ADCY9: variants seen among roughly 807,000 people sequenced by gnomAD.
ADCY9 encodes the protein adenylate cyclase 9.
In ADCY9, 50 loss-of-function variants were observed where a neutral mutation model predicts 101.5. The ratio of observed to expected loss-of-function variants is 0.49; its 90% CI spans 0.39 to 0.62. The LOEUF (loss-of-function observed/expected upper bound fraction) is 0.62. Ranked by LOEUF, ADCY9 falls within the 20% of genes least tolerant of loss-of-function variation. The pLI is 0.00. For synonymous variants in ADCY9, 905 were observed against 769.3 expected (o/e 1.18, Z -2.92); for missense variants, 1,662 against 1,800.4 (o/e 0.92, Z 1.39).
chr16:4,014,429 T>C (rs1365280983), intron 2 of ADCY9, among the ~76,000 whole-genome samples: 1 of 152,098 alleles, frequency 6.6e-6, no homozygotes, highest in Non-Finnish European at 1.5e-5. Flanking sequence ...AATTTGATCT[T>C]CTGCTTAACC....
intron 2 of ADCY9, among the ~76,000 whole-genome samples, chr16:4,092,397 G>A (rs2056979266): frequency 6.6e-6 from 1 of 152,282 alleles, no homozygotes; most frequent in African/African-American, 2.4e-5. Flanking sequence ...AGTAAGCAAA[G>A]TCCTTTCCTG....
downstream of ADCY9, among the ~76,000 whole-genome samples, chr16:3,958,747 C>A (rs1439958185): frequency 5.2e-5 from 7 of 135,078 alleles, no homozygotes; most frequent in African/African-American, 1.9e-4. Context: ...TCCTGGCTCA[C>A]TGCAACCTCT....
intron 2 of ADCY9, among the ~76,000 whole-genome samples, chr16:4,056,534 G>A (rs546660591): frequency 6.6e-5 from 10 of 152,268 alleles, no homozygotes; most frequent in Non-Finnish European, 1.0e-4. Flanking sequence ...GATTACAGCC[G>A]TGAGCCACCA....
chr16:4,040,244 G>A (rs1356354124), intron 2 of ADCY9, among the ~76,000 whole-genome samples: 2 of 152,278 alleles, frequency 1.3e-5, no homozygotes, highest in East Asian at 3.9e-4. Flanking sequence ...AAAAATTCAG[G>A]TGTAGGGACA....
chr16:3,968,638 C>T (rs1019847303), intron 10 of ADCY9, among the ~76,000 whole-genome samples: 50 of 152,266 alleles, frequency 3.3e-4, no homozygotes, highest in Non-Finnish European at 1.3e-4. Flanking sequence ...TTCCAGCACT[C>T]GGAAATTCTG....
At chr16:4,019,946 C>T (rs937604643) in intron 2 of ADCY9, among the ~76,000 whole-genome samples, 44 of 152,160 alleles carry the variant, frequency 2.9e-4, no homozygotes, top group African/African-American at 9.6e-4. Context: ...GGCGTGGTGG[C>T]GGGAGCCTGT....
intron 5 of ADCY9, among the ~76,000 whole-genome samples, chr16:3,955,622 T>G (rs1299573591): frequency 6.6e-6 from 1 of 150,934 alleles, no homozygotes; most frequent in Non-Finnish European, 1.5e-5. Context: ...CAGGGCTCAC[T>G]GCAACCTCTG....
At chr16:4,082,955 CT>C (rs1283889089) in intron 2 of ADCY9, among the ~76,000 whole-genome samples, 1 of 152,214 alleles carries the variant, frequency 6.6e-6, no homozygotes, top group Non-Finnish European at 1.5e-5. Context: ...GGAAAAGCCC[CT>C]CTTCTTTACT....
At chr16:4,082,771 G>A (rs1362489003) in intron 2 of ADCY9, among the ~76,000 whole-genome samples, 1 of 152,044 alleles carries the variant, frequency 6.6e-6, no homozygotes, top group Non-Finnish European at 1.5e-5. Flanking sequence ...CCATGCATGC[G>A]CACACACAGC....
chr16:4,030,150 C>CT (rs1395297222), intron 2 of ADCY9, among the ~76,000 whole-genome samples: 1 of 152,162 alleles, frequency 6.6e-6, no homozygotes, highest in African/African-American at 2.4e-5. Flanking sequence ...AATAATTCCC[C>CT]TTCTAGACAT....
Position 3,989,103 on chromosome 16 carries a change from G to A in ADCY9, c.2208-7C>T. On this transcript the variant is annotated splice_polypyrimidine_tract_variant and splice_region_variant and intron_variant, in intron 5 of 10. Coordinates refer to ENST00000294016, the MANE Select transcript of ADCY9 (RefSeq NM_001116.4). The stretch of plus-strand genomic sequence containing the variant: ...AAAGTAATCTTTCATCAGGCTAGAA[G>A]ACACAACAAATGCAGTCGATCAATA... 1.2e-6 allele frequency: 2 copies of A among 1,602,100 alleles called. No homozygotes were observed. The highest frequency in any genetic ancestry group is 8.6e-7 in the Non-Finnish European group (1 of 1,169,172).
intron 2 of ADCY9, among the ~76,000 whole-genome samples, chr16:4,096,050 T>C (rs2057001899): frequency 6.6e-6 from 1 of 151,018 alleles, no homozygotes; most frequent in Non-Finnish European, 1.5e-5. Flanking sequence ...AACGTGATCC[T>C]CAGGAAACCA....
Position 4,115,886 on chromosome 16 carries a change from G to A in ADCY9, c.-240C>T. On this transcript the variant is annotated 5_prime_UTR_variant, in exon 1 of 11. Coordinates refer to ENST00000294016, the MANE Select transcript of ADCY9 (RefSeq NM_001116.4). The surrounding 1 kb of genome is among the most constrained non-coding windows in gnomAD (Gnocchi z 6.2). ...GCTCCCAGCCCCGCGAGCCGCCTGC[G>A]CACAAACAACTCCGCTGGCGGCGCG... The A allele has an allele frequency of 2.5e-6, 1 of 394,588 alleles. No homozygotes were observed. The highest frequency in any genetic ancestry group is 4.5e-6 in the Non-Finnish European group (1 of 223,602). The allele number at this position is 394,588 out of a possible 1,614,324, so 24.4% of individuals were successfully genotyped here.
intron 3 of ADCY9, among the ~76,000 whole-genome samples, chr16:4,007,097 T>C (rs1231016972): frequency 1.3e-5 from 2 of 151,998 alleles, no homozygotes; most frequent in African/African-American, 2.4e-5. Context: ...GCACCACAGG[T>C]CCCAGGAAGA....
At chr16:4,104,273 G>A (rs1243113919) in intron 2 of ADCY9, among the ~76,000 whole-genome samples, 6 of 152,148 alleles carry the variant, frequency 3.9e-5, no homozygotes, top group African/African-American at 7.2e-5. Flanking sequence ...CTTTACTGAC[G>A]TCAACATGTG....
intron 2 of ADCY9, among the ~76,000 whole-genome samples, chr16:4,051,559 C>T (rs1285598195): frequency 1.3e-5 from 2 of 151,688 alleles, no homozygotes; most frequent in East Asian, 1.9e-4. Context: ...TAAAGATGTG[C>T]TCAAAGAATG....
intron 2 of ADCY9, among the ~76,000 whole-genome samples, chr16:4,060,274 T>C (rs1234976189): frequency 6.6e-6 from 1 of 152,150 alleles, no homozygotes; most frequent in Non-Finnish European, 1.5e-5. Context: ...TCACGGGCAG[T>C]GGTAAAGTCC....
intron 2 of ADCY9, among the ~76,000 whole-genome samples, chr16:4,014,790 T>TCC (rs2056426913): frequency 6.7e-6 from 1 of 149,918 alleles, no homozygotes; most frequent in South Asian, 2.1e-4. Context: ...TCTCTCTCTC[T>TCC]CTCCCTCCCG....
intron 2 of ADCY9, among the ~76,000 whole-genome samples, chr16:4,090,045 C>T (rs530924581): frequency 6.6e-6 from 1 of 152,270 alleles, no homozygotes; most frequent in Non-Finnish European, 1.5e-5. Flanking sequence ...CCGGCAGCCA[C>T]TGTGACCCAG....
Sources: gnomAD v4.1 joint callset for allele counts (sites outside exome capture counted in the v4.1 genomes callset) on GRCh38, gnomAD v4.1.1 for gene constraint, Gnocchi (gnomAD v3.1) non-coding constraint, MANE v1.5 for transcripts, NCBI Gene and HGNC (gene_info 2026-07-23, HGNC 2026-07-21) for gene names.